The following HACL2 variants were observed in gnomAD, a reference collection of about 807,000 sequenced individuals.
HACL2 encodes the protein 2-hydroxyacyl-CoA lyase 1 like.
At chr19:15,117,715 C>A in the HACL2 span, 1 of 626,456 alleles carries the variant, frequency 1.6e-6, no homozygotes, top group Non-Finnish European at 2.7e-6. Flanking sequence ...AAGAAAGAAG[C>A]ATTCATCAGT....
the HACL2 span, chr19:15,125,397 G>T: frequency 3.6e-6 from 1 of 276,320 alleles, no homozygotes; most frequent in Non-Finnish European, 6.9e-6. Context: ...TCAATGGACA[G>T]GCGGAAGCCC....
the HACL2 span, chr19:15,123,256 G>A: frequency 8.7e-6 from 14 of 1,612,826 alleles, no homozygotes; most frequent in African/African-American, 1.7e-4. The surrounding 1 kb of genome is among the most constrained non-coding windows in gnomAD (Gnocchi z 5.1). Context: ...GGAACACAGA[G>A]CCCATCACAG....
the HACL2 span, chr19:15,120,008 C>T: frequency 6.4e-7 from 1 of 1,550,470 alleles, no homozygotes; most frequent in African/African-American, 1.4e-5. Flanking sequence ...TGGGGGATGT[C>T]CAGGGGCAGC....
chr19:15,119,413 C>G, the HACL2 span: 155 of 1,613,986 alleles, frequency 9.6e-5, no homozygotes, highest in Non-Finnish European at 1.3e-4. Flanking sequence ...GCTGGCGCTT[C>G]TCACCGAAGC....
the HACL2 span, among the ~76,000 whole-genome samples, chr19:15,118,983 T>C: frequency 6.6e-6 from 1 of 152,246 alleles, no homozygotes; most frequent in African/African-American, 2.4e-5. Context: ...GGATGGTTGT[T>C]ACAGGGCAGT....
the HACL2 span, chr19:15,124,826 C>A: frequency 6.8e-7 from 1 of 1,474,974 alleles, no homozygotes; most frequent in South Asian, 1.3e-5. Flanking sequence ...AGTCGGGGCT[C>A]GCTTTCCCAC....
chr19:15,115,958 C>A, the HACL2 span: 16 of 1,613,994 alleles, frequency 9.9e-6, no homozygotes, highest in Non-Finnish European at 1.4e-5. Context: ...TAGGGTGGAT[C>A]AGGACCTAGA....
the HACL2 span, chr19:15,122,781 C>T: frequency 6.2e-6 from 10 of 1,614,146 alleles, no homozygotes; most frequent in Non-Finnish European, 8.5e-6. The surrounding 1 kb of genome is among the most constrained non-coding windows in gnomAD (Gnocchi z 4.0). Context: ...AGCACGTCAA[C>T]GGGCAGCTCC....
chr19:15,115,878 A>G, the HACL2 span: 1 of 1,614,108 alleles, frequency 6.2e-7, no homozygotes, highest in Non-Finnish European at 8.5e-7. Context: ...ATCAAATTCG[A>G]TGAGGCTGTA....
the HACL2 span, chr19:15,119,559 T>C: frequency 6.5e-7 from 1 of 1,542,392 alleles, no homozygotes; most frequent in Non-Finnish European, 8.9e-7. Context: ...TTTTATTTAT[T>C]TATTTTTTTG....
chr19:15,120,163 C>A, the HACL2 span: 1 of 934,324 alleles, frequency 1.1e-6, no homozygotes, highest in Non-Finnish European at 1.6e-6. Flanking sequence ...GGAAAGGGGC[C>A]GGGAGAAAAG....
chr19:15,120,124 T>A, the HACL2 span: 1 of 1,248,538 alleles, frequency 8.0e-7, no homozygotes, highest in Non-Finnish European at 1.1e-6. Context: ...CAGAATTAAC[T>A]AACTACAAGG....
At chr19:15,119,440 G>A in the HACL2 span, 1 of 1,614,168 alleles carries the variant, frequency 6.2e-7, no homozygotes. Flanking sequence ...GCAGACGTTG[G>A]GGTGAGCAGG....
chr19:15,123,683 G>T, the HACL2 span: 1 of 955,292 alleles, frequency 1.0e-6, no homozygotes, highest in Non-Finnish European at 1.6e-6. The surrounding 1 kb of genome is among the most constrained non-coding windows in gnomAD (Gnocchi z 5.1). Flanking sequence ...AGCAGGGTGA[G>T]AGGTCAAGAG....
chr19:15,121,882 G>A, the HACL2 span, among the ~76,000 whole-genome samples: 1 of 149,568 alleles, frequency 6.7e-6, no homozygotes, highest in African/African-American at 2.4e-5. Context: ...GAGAGGGCTC[G>A]AGTCTGGGCT....
At chr19:15,116,520 C>A in the HACL2 span, 2 of 1,612,814 alleles carry the variant, frequency 1.2e-6, no homozygotes, top group Non-Finnish European at 8.5e-7. Flanking sequence ...GAACCCACAT[C>A]TCCTGGGGAA....
chr19:15,116,013 C>T, the HACL2 span: 53 of 1,613,980 alleles, frequency 3.3e-5, no homozygotes, highest in Non-Finnish European at 3.6e-5. Flanking sequence ...CAGCATCTGG[C>T]CGGCACAGCT....
chr19:15,123,355 CCT>C, the HACL2 span: 13 of 1,610,720 alleles, frequency 8.1e-6, no homozygotes, highest in Non-Finnish European at 1.1e-5. The surrounding 1 kb of genome is among the most constrained non-coding windows in gnomAD (Gnocchi z 5.1). Flanking sequence ...AGTCCCCAGC[CCT>C]CTCTGCAATG....
the HACL2 span, chr19:15,122,999 A>G: frequency 6.2e-7 from 1 of 1,603,510 alleles, no homozygotes; most frequent in Non-Finnish European, 8.5e-7. This position sits in a 1 kb window ranked among gnomAD's most constrained non-coding sequence, Gnocchi z 4.0. Context: ...GAAAAGGGAC[A>G]GCTGATCAAC....
Sources: allele counts gnomAD v4.1 joint callset (sites outside exome capture counted in the v4.1 genomes callset), GRCh38; gene constraint gnomAD v4.1.1; non-coding constraint Gnocchi (gnomAD v3.1); transcripts MANE v1.5; gene names NCBI Gene and HGNC (gene_info 2026-07-23, HGNC 2026-07-21).